PARP4: variants seen among roughly 807,000 people sequenced by gnomAD.
The protein encoded by PARP4 is protein mono-ADP-ribosyltransferase PARP4.
Under a neutral mutation model 187.7 loss-of-function variants are expected in PARP4, and 120 were observed. The observed-to-expected ratio is 0.64, with a 90% CI of 0.55 to 0.74. PARP4 has a LOEUF of 0.74. PARP4 is among the 30% of genes least tolerant of loss of function. The probability of loss-of-function intolerance (pLI) is 0.00; values close to 1 mark genes in which losing one functional copy is unlikely to be tolerated. For synonymous variants in PARP4, 654 were observed against 740.9 expected, an observed-to-expected ratio of 0.88 and a Z score of 1.90; for missense variants, 1,836 against 2,070.5, an observed-to-expected ratio of 0.89 and a Z score of 2.20.
At chr13:24,508,379 T>A (rs901766161) in intron 1 of PARP4, among the ~76,000 whole-genome samples, 5 of 152,062 alleles carry the variant, frequency 3.3e-5, no homozygotes, top group Non-Finnish European at 7.4e-5. Flanking sequence ...AAGTGACTCA[T>A]GGTCACTGTT....
chr13:24,486,473 C>A (rs968938177), intron 10 of PARP4, among the ~76,000 whole-genome samples, 168 bp from the exon 11 acceptor site: 149 of 151,922 alleles, frequency 9.8e-4, no homozygotes, highest in Non-Finnish European at 1.2e-3. Context: ...ATTAAAATAA[C>A]CATATTATTT....
intron 8 of PARP4, among the ~76,000 whole-genome samples, 188 bp from the exon 9 acceptor site, chr13:24,492,782 T>A (rs944791574): frequency 9.2e-5 from 14 of 152,222 alleles, no homozygotes; most frequent in African/African-American, 3.1e-4. Flanking sequence ...GCCATGAGGA[T>A]TGTTGCAAAA....
chr13:24,509,643 AAAGTT>A (rs1393446384), intron 1 of PARP4, among the ~76,000 whole-genome samples: 5 of 152,168 alleles, frequency 3.3e-5, no homozygotes, highest in African/African-American at 1.2e-4. Flanking sequence ...ATGGGTCAAT[AAAGTT>A]ATTTTTAAAA....
chr13:24,452,915 TTTATTA>T (rs1292230033), intron 23 of PARP4, among the ~76,000 whole-genome samples: 1 of 149,402 alleles, frequency 6.7e-6, no homozygotes, highest in African/African-American at 2.5e-5. Flanking sequence ...CTTGCTCAAT[TTTATTA>T]TTATTTCATT....
At position 24,420,989 on chromosome 13, in the gene PARP4, T is replaced by G; in HGVS notation, c.*130A>C. The G allele has an allele frequency of 8.3e-7, 1 of 1,202,988 alleles. No individual in the cohort carries two copies. Among genetic ancestry groups the G allele is most frequent in the Non-Finnish European group, 1.1e-6 (1 of 918,854 alleles). The allele number at this position is 1,202,988 out of a possible 1,614,324, so 74.5% of individuals were successfully genotyped here. On this transcript the variant is annotated 3_prime_UTR_variant, in exon 34 of 34. Transcript: ENST00000381989. ...TTGATTAAAGTAATTCTTCTTCCAC[T>G]TAATTTTTAAAGACAGTAATTGCTA...
At chr13:24,459,019 C>A (rs773769855) in intron 20 of PARP4, 25 bp downstream of exon 20, 3 of 1,491,256 alleles carry the variant, frequency 2.0e-6, no homozygotes, top group Admixed American at 3.4e-5. Context: ...AATAACAGCT[C>A]TTAAGAAATC....
Position 24,503,725 on chromosome 13 carries a change from A to G in PARP4, c.52T>C (p.Leu18=), listed in dbSNP as rs145811172. ...NCIFCLKVKY[L]PQQQKKKLQT... ...AGCTTTTTCTTCTGCTGCTGAGGTAAGTACTTCACTTTCAAACAGAAGATA... is the reference window on the plus strand; with the variant it reads ...AGCTTTTTCTTCTGCTGCTGAGGTAGGTACTTCACTTTCAAACAGAAGATA... Residue 18 remains leucine, a synonymous_variant, in exon 2 of 34, where the codon TTA becomes CTA. Coordinates refer to ENST00000381989, the MANE Select transcript of PARP4 (RefSeq NM_006437.4). The G allele has an allele frequency of 8.0e-5, 129 of 1,614,014 alleles. No homozygotes were observed. The African/African-American group carries it at 1.4e-3, about 18-fold the overall frequency.
At chr13:24,490,513 G>A (rs1325519085) in intron 10 of PARP4, among the ~76,000 whole-genome samples, 155 bp downstream of exon 10, 1 of 152,192 alleles carries the variant, frequency 6.6e-6, no homozygotes, top group Non-Finnish European at 1.5e-5. Flanking sequence ...CCCAGGCACC[G>A]TTCTGAACAG....
intron 17 of PARP4, among the ~76,000 whole-genome samples, chr13:24,462,760 A>C (rs1872271445): frequency 6.6e-6 from 1 of 152,270 alleles, no homozygotes; most frequent in Non-Finnish European, 1.5e-5. Flanking sequence ...TCAAAGTTGA[A>C]GAATTTGACA....
At chr13:24,482,014 G>T (rs1385409014) in intron 12 of PARP4, among the ~76,000 whole-genome samples, 1 of 152,224 alleles carries the variant, frequency 6.6e-6, no homozygotes, top group Non-Finnish European at 1.5e-5. Flanking sequence ...TATGGGAGGA[G>T]GTCAGCCTAT....
intron 22 of PARP4, among the ~76,000 whole-genome samples, chr13:24,454,411 T>C (rs1244027589): frequency 2.6e-5 from 4 of 152,150 alleles, no homozygotes; most frequent in Admixed American, 2.0e-4. Context: ...GATAAGACTG[T>C]CCCCTCACTC....
intron 18 of PARP4, 110 bp downstream of exon 18, chr13:24,459,861 TA>T: frequency 1.2e-6 from 1 of 840,130 alleles, no homozygotes; most frequent in Non-Finnish European, 1.8e-6. Context: ...ACTTTATGCC[TA>T]AAAGATTATT....
At position 24,470,020 on chromosome 13, in the gene PARP4, A is replaced by C; in HGVS notation, c.1920T>G (p.Ile640Met). ...TTTTATTTGTGTATGTCTGAAAAAC[A>C]ATGACCTGAAGAAGAAAAAAAATCC... Reference protein sequence around the residue: ...GRIIDTVAQVIVFQTYTNKSH... With the variant: ...GRIIDTVAQVMVFQTYTNKSH... The change falls in exon 16 of 34, where the codon ATT becomes ATG. Residue 640 changes from isoleucine to methionine, a missense_variant. This residue lies in a region of PARP4 where 1,147 missense variants were observed against 1,214.2 expected (regional missense o/e 0.94). Transcript: ENST00000381989. The C allele has an allele frequency of 1.2e-6, 2 of 1,612,916 alleles. No individual in the cohort carries two copies. The highest frequency in any genetic ancestry group is 1.7e-6 in the Non-Finnish European group (2 of 1,179,418).
intron 32 of PARP4, among the ~76,000 whole-genome samples, chr13:24,427,630 T>TGGCATAGTATGTACATATCTGCATA (rs1870126423): frequency 6.6e-6 from 1 of 152,204 alleles, no homozygotes; most frequent in Non-Finnish European, 1.5e-5. Flanking sequence ...CAAAAGGACT[T>TGGCATAGTATGTACATATCTGCATA]GGCATAGTAT....
At chr13:24,444,221 T>C (rs1156252150) in intron 27 of PARP4, among the ~76,000 whole-genome samples, 1 of 121,992 alleles carries the variant, frequency 8.2e-6, no homozygotes, top group Non-Finnish European at 1.8e-5. Flanking sequence ...ACTCTTGTAA[T>C]TTGTCATTGA....
intron 14 of PARP4, among the ~76,000 whole-genome samples, chr13:24,476,378 T>C (rs1872988151): frequency 6.6e-6 from 1 of 152,138 alleles, no homozygotes; most frequent in Non-Finnish European, 1.5e-5. Context: ...CTGTCTGAAG[T>C]GTGGCTGAAG....
At chr13:24,473,234 G>A (rs1425502529) in intron 15 of PARP4, among the ~76,000 whole-genome samples, 1 of 152,034 alleles carries the variant, frequency 6.6e-6, no homozygotes, top group African/African-American at 2.4e-5. Context: ...CACCACCCTG[G>A]TATTTATGAT....
chr13:24,443,438 A>G (rs934870905), intron 28 of PARP4, among the ~76,000 whole-genome samples: 2 of 152,000 alleles, frequency 1.3e-5, no homozygotes, highest in Non-Finnish European at 2.9e-5. Flanking sequence ...TTTTCTGGAA[A>G]CCACTGACAT....
At chr13:24,428,057 A>G (rs2137432754) in intron 32 of PARP4, among the ~76,000 whole-genome samples, 1 of 152,338 alleles carries the variant, frequency 6.6e-6, no homozygotes, top group Non-Finnish European at 1.5e-5. Flanking sequence ...AAAGTTGGGT[A>G]CAGAGATATA....
Sources: gnomAD v4.1 joint callset for allele counts (sites outside exome capture counted in the v4.1 genomes callset) on GRCh38, gnomAD v4.1.1 for gene constraint, gnomAD v4.1.1 regional missense constraint, MANE v1.5 for transcripts, NCBI Gene and HGNC (gene_info 2026-07-23, HGNC 2026-07-21) for gene names.